Variants in PRKG2 observed in about 807,000 individuals in gnomAD.
PRKG2 encodes cGMP-dependent protein kinase 2.
PRKG2 carries 33 observed loss-of-function variants against 97.2 expected under a neutral mutation model. The ratio of observed to expected loss-of-function variants is 0.34; its 90% CI spans 0.26 to 0.45. The LOEUF is 0.45. Among genes scored for constraint, PRKG2 ranks in the 20% least tolerant of loss-of-function variants. The probability of loss-of-function intolerance (pLI) is 1.00; values close to 1 mark genes in which losing one functional copy is unlikely to be tolerated. For missense variants in PRKG2, 638 were observed against 900.0 expected (o/e 0.71, Z 3.73); for synonymous variants, 330 against 321.8 (o/e 1.03, Z -0.27).
chr4:81,187,658 A>G (rs951258771), intron 2 of PRKG2, among the ~76,000 whole-genome samples: 1 of 152,186 alleles, frequency 6.6e-6, no homozygotes, highest in African/African-American at 2.4e-5. Flanking sequence ...TTCAAATAGG[A>G]AAAGAGGAAG....
chr4:81,153,411 A>C, intron 7 of PRKG2: 2 of 396,942 alleles, frequency 5.0e-6, no homozygotes, highest in South Asian at 3.7e-5. Flanking sequence ...GTCTCTCCCC[A>C]AAAAATCAAG....
chr4:81,185,004 G>A (rs1385257900), intron 2 of PRKG2, among the ~76,000 whole-genome samples: 2 of 152,086 alleles, frequency 1.3e-5, no homozygotes, highest in African/African-American at 4.8e-5. Context: ...ACATTTGAGT[G>A]GTATACCTGA....
chr4:81,135,321 TA>T, intron 13 of PRKG2, 25 bp from the exon 14 acceptor site: 1 of 1,608,204 alleles, frequency 6.2e-7, no homozygotes, highest in Non-Finnish European at 8.5e-7. Context: ...TTTTCCCTCT[TA>T]ATACTTTGGA....
chr4:81,202,652 A>G (rs1030604524), intron 2 of PRKG2, among the ~76,000 whole-genome samples: 1 of 152,140 alleles, frequency 6.6e-6, no homozygotes, highest in African/African-American at 2.4e-5. Flanking sequence ...CAGGAGATAC[A>G]ATATCCTTCC....
intron 9 of PRKG2, among the ~76,000 whole-genome samples, chr4:81,144,610 AT>A (rs780598203): frequency 7.4e-4 from 103 of 140,038 alleles, no homozygotes; most frequent in African/African-American, 1.2e-3. Flanking sequence ...ATATATATAT[AT>A]TTTTTTTTTA....
In PRKG2 at chr4:81,174,750, G is replaced by T. The variant is rs749119977; in HGVS notation, c.628+43C>A. On this transcript the variant is annotated intron_variant, in intron 3 of 18. Transcript: ENST00000264399. Reference sequence around the variant, plus strand: ...AAATGTTTGCAGAAAATCATAACAGGCAAAATATTTATTATATATCTGGAA... The same window carrying T: ...AAATGTTTGCAGAAAATCATAACAGTCAAAATATTTATTATATATCTGGAA... The T allele has an allele frequency of 9.8e-5, 150 of 1,527,910 alleles. No homozygotes were observed. The Middle Eastern group carries it at 1.6e-3, about 16-fold the overall frequency. The allele number at this position is 1,527,910 out of a possible 1,614,324, so 94.6% of individuals were successfully genotyped here.
At chr4:81,183,255 G>C (rs1438711558) in intron 2 of PRKG2, among the ~76,000 whole-genome samples, 1 of 152,154 alleles carries the variant, frequency 6.6e-6, no homozygotes, top group East Asian at 1.9e-4. Context: ...GATCAATGCA[G>C]AAGGTGAGTG....
chr4:81,128,200 A>G (rs1745798513), intron 14 of PRKG2, among the ~76,000 whole-genome samples: 1 of 152,178 alleles, frequency 6.6e-6, no homozygotes, highest in Non-Finnish European at 1.5e-5. Context: ...CGTGGTGGAT[A>G]AACTTTTTTA....
rs1741223889 is a variant in PRKG2, at chr4:81,087,586, T to C, written c.*2122A>G. 6.6e-6 allele frequency: 1 copy of C among 152,160 alleles called. No individual in the cohort carries two copies. 9.4% of individuals were successfully genotyped at this position (152,160 alleles called of 1,614,324 possible). On this transcript the variant is annotated 3_prime_UTR_variant, in exon 19 of 19. Coordinates refer to ENST00000264399, the MANE Select transcript of PRKG2 (RefSeq NM_006259.3). ...CACAGATACCGGGCAAAAGACTCTC[T>C]ACATAACTTAATCCCTGAAACAAAC...
rs765977823 is a variant in PRKG2 at position 81,105,960 on chromosome 4, G to A, written c.1941-25C>T. 12 of 1,604,994 alleles carry A rather than the reference G, an allele frequency of 7.5e-6. No individual in the cohort carries two copies. In the Admixed American group the frequency reaches 1.9e-4, roughly 25 times the overall value. ...GCTAGATAGAGAAAATCCAGAACAG[G>A]ACACATTAATAACAGGGTCTGAGAT... On this transcript the variant is annotated intron_variant, in intron 15 of 18. Transcript: ENST00000264399.
upstream of PRKG2, among the ~76,000 whole-genome samples, chr4:81,215,787 G>A (rs566427941): frequency 1.5e-3 from 232 of 151,656 alleles, no homozygotes; most frequent in African/African-American, 5.4e-3. Flanking sequence ...ATCGAGTTTC[G>A]AGGGACAGAG....
chr4:81,141,063 T>A (rs1489538855), intron 11 of PRKG2, among the ~76,000 whole-genome samples: 1 of 152,102 alleles, frequency 6.6e-6, no homozygotes, highest in Non-Finnish European at 1.5e-5. Flanking sequence ...TCGCCCAGAA[T>A]GCAGTGGTGC....
chr4:81,153,755 C>T (rs751875331), intron 6 of PRKG2, 34 bp from the exon 7 acceptor site: 45 of 1,516,218 alleles, frequency 3.0e-5, no homozygotes, highest in Non-Finnish European at 4.0e-5. Context: ...AATGTAAGAG[C>T]GGGTGGAGCC....
At chr4:81,173,139 T>C (rs562745058) in intron 3 of PRKG2, among the ~76,000 whole-genome samples, 1 of 152,280 alleles carries the variant, frequency 6.6e-6, no homozygotes, top group African/African-American at 2.4e-5. Flanking sequence ...AAGCTAAATA[T>C]GCTTTTACTA....
rs143067490 is a variant in PRKG2, at chr4:81,128,749, A to G, written c.1776+6406T>C. On this transcript the variant is annotated intron_variant, in intron 14 of 18. Coordinates refer to ENST00000264399, the MANE Select transcript of PRKG2 (RefSeq NM_006259.3). Reference sequence around the variant, plus strand: ...TCTTTATTAGTCTGGCTAGTGGTCTATTTTGTAAATCTTTTCAAGAAACCA... The same window carrying G: ...TCTTTATTAGTCTGGCTAGTGGTCTGTTTTGTAAATCTTTTCAAGAAACCA... Among the ~76,000 whole-genome samples the G allele has an allele frequency of 6.9e-3, 1,052 of 152,080 alleles. 16 individuals are homozygous for G. The highest frequency in any genetic ancestry group is 0.024 in the African/African-American group (995 of 41,476).
chr4:81,111,555 T>C (rs1743990926), intron 14 of PRKG2, among the ~76,000 whole-genome samples: 2 of 152,046 alleles, frequency 1.3e-5, no homozygotes. Flanking sequence ...TTGGGGAAGA[T>C]GTTATTAGCA....
intron 6 of PRKG2, among the ~76,000 whole-genome samples, chr4:81,155,286 G>A (rs1003714584): frequency 6.6e-6 from 1 of 151,714 alleles, no homozygotes; most frequent in African/African-American, 2.4e-5. Flanking sequence ...GAAGAATGCA[G>A]AAGCCTCAGG....
In PRKG2 at chr4:81,087,915, T is replaced by C. The variant is rs1741241114; in HGVS notation, c.*1793A>G. On this transcript the variant is annotated 3_prime_UTR_variant, in exon 19 of 19. Coordinates refer to ENST00000264399, the MANE Select transcript of PRKG2 (RefSeq NM_006259.3). ...CAACTATTGATCTGCTTTGAGAATATCATTCCTATTATAACTGTATAGTTC... is the reference window on the plus strand; with the variant it reads ...CAACTATTGATCTGCTTTGAGAATACCATTCCTATTATAACTGTATAGTTC... The C allele has an allele frequency of 6.6e-6, 1 of 152,186 alleles. No individual in the cohort carries two copies. 9.4% of individuals were successfully genotyped at this position (152,186 alleles called of 1,614,324 possible). A position where few individuals can be genotyped will look rare whatever the true frequency, so the allele number is the denominator to read the frequency against.
upstream of PRKG2, among the ~76,000 whole-genome samples, chr4:81,215,616 AC>A (rs541111224): frequency 4.0e-4 from 60 of 151,320 alleles, 1 homozygote; most frequent in South Asian, 0.012. Context: ...CAGAGCTCAA[AC>A]AGGCGCACGT....
Sources: gnomAD v4.1 joint callset for allele counts (sites outside exome capture counted in the v4.1 genomes callset) on GRCh38, gnomAD v4.1.1 for gene constraint, MANE v1.5 for transcripts, NCBI Gene and HGNC (gene_info 2026-07-23, HGNC 2026-07-21) for gene names.